ZNF385B: variants seen among roughly 807,000 people sequenced by gnomAD.
ZNF385B encodes the protein zinc finger protein 385B.
ZNF385B carries 23 observed loss-of-function variants against 39.2 expected under a neutral mutation model. The ratio of observed to expected loss-of-function variants is 0.59; its 90% CI spans 0.42 to 0.83. The LOEUF (loss-of-function observed/expected upper bound fraction) is 0.83, where lower values mean the gene tolerates loss of function less well. Among genes scored for constraint, ZNF385B ranks in the 40% least tolerant of loss-of-function variants. The pLI, the probability that ZNF385B is intolerant of heterozygous loss-of-function variation, is 0.00. For synonymous variants in ZNF385B, 205 were observed against 222.6 expected (o/e 0.92, Z 0.70); for missense variants, 552 against 598.9 (o/e 0.92, Z 0.82).
intron 3 of ZNF385B, among the ~76,000 whole-genome samples, chr2:179,703,835 C>T (rs1008248740): frequency 5.3e-5 from 8 of 152,174 alleles, no homozygotes; most frequent in African/African-American, 1.9e-4. Context: ...AAGTTGTAAA[C>T]ACACATTGAT....
intron 3 of ZNF385B, among the ~76,000 whole-genome samples, chr2:179,616,131 C>T (rs13014208): frequency 0.19 from 28,287 of 152,008 alleles, 3,222 homozygotes; most frequent in South Asian, 0.29. Context: ...TGTGTAACTT[C>T]CCTTCTAAGA....
chr2:179,810,708 C>T (rs1706679581), intron 1 of ZNF385B, among the ~76,000 whole-genome samples: 1 of 151,956 alleles, frequency 6.6e-6, no homozygotes, highest in African/African-American at 2.4e-5. Context: ...TTTTCTCTTT[C>T]AACTACTGGT....
chr2:179,506,621 T>C (rs2057277391), intron 5 of ZNF385B, among the ~76,000 whole-genome samples: 2 of 152,264 alleles, frequency 1.3e-5, no homozygotes, highest in Admixed American at 1.3e-4. Context: ...ATTTATAAAA[T>C]ACATTAATGT....
chr2:179,606,129 T>C (rs969231), intron 3 of ZNF385B, among the ~76,000 whole-genome samples: 23,631 of 151,974 alleles, frequency 0.16, 2,196 homozygotes, highest in East Asian at 0.24. Context: ...TCTGTTAACA[T>C]TTACACAAAA....
intron 3 of ZNF385B, among the ~76,000 whole-genome samples, chr2:179,643,500 T>G (rs1554102): frequency 1 from 151,843 of 152,226 alleles, 75,732 homozygotes; most frequent in Middle Eastern, 1. Flanking sequence ...TTCCACTGTG[T>G]TATCAAATGG....
chr2:179,850,787 G>C (rs959777405), intron 1 of ZNF385B, among the ~76,000 whole-genome samples: 4 of 152,202 alleles, frequency 2.6e-5, no homozygotes, highest in African/African-American at 9.6e-5. Context: ...AGGCTTGAGA[G>C]AGAAGTAAAA....
At chr2:179,525,528 T>C (rs1471740900) in intron 4 of ZNF385B, among the ~76,000 whole-genome samples, 1 of 152,220 alleles carries the variant, frequency 6.6e-6, no homozygotes, top group African/African-American at 2.4e-5. Flanking sequence ...GATTTGCTGC[T>C]AAGCAGACCG....
At chr2:179,668,392 C>T (rs1695458005) in intron 3 of ZNF385B, among the ~76,000 whole-genome samples, 1 of 152,174 alleles carries the variant, frequency 6.6e-6, no homozygotes, top group Non-Finnish European at 1.5e-5. Context: ...CTCATATTCT[C>T]CTTTATCAAA....
intron 1 of ZNF385B, among the ~76,000 whole-genome samples, chr2:179,801,358 A>G (rs554768091): frequency 2.4e-4 from 36 of 152,122 alleles, no homozygotes; most frequent in African/African-American, 8.2e-4. Context: ...TCCAATGACA[A>G]ATGTTCCCAG....
At chr2:179,515,878 T>C (rs2058054940) in intron 5 of ZNF385B, among the ~76,000 whole-genome samples, 1 of 152,134 alleles carries the variant, frequency 6.6e-6, no homozygotes, top group African/African-American at 2.4e-5. Flanking sequence ...AGTTATAAAA[T>C]ATTTTCATCA....
intron 1 of ZNF385B, among the ~76,000 whole-genome samples, chr2:179,778,963 C>A (rs1341612023): frequency 3.3e-5 from 5 of 152,146 alleles, no homozygotes; most frequent in Non-Finnish European, 7.4e-5. Context: ...TTTAAACATG[C>A]ATATGATTTT....
At chr2:179,724,918 A>C (rs928506031) in intron 3 of ZNF385B, among the ~76,000 whole-genome samples, 5 of 152,172 alleles carry the variant, frequency 3.3e-5, no homozygotes, top group African/African-American at 1.2e-4. Flanking sequence ...TTTATAATTT[A>C]AACCATTTTG....
chr2:179,788,740 A>G (rs1223659647), intron 1 of ZNF385B, among the ~76,000 whole-genome samples: 3 of 152,196 alleles, frequency 2.0e-5, no homozygotes, highest in African/African-American at 7.2e-5. Context: ...AGAAGAGAAC[A>G]GAAGAAAATG....
intron 3 of ZNF385B, among the ~76,000 whole-genome samples, chr2:179,692,862 A>C (rs934071918): frequency 1.5e-4 from 23 of 152,072 alleles, no homozygotes; most frequent in Non-Finnish European, 1.5e-5. Flanking sequence ...TCACAGGAGC[A>C]AGTACTTGCC....
At chr2:179,562,502 C>T (rs1288329828) in intron 3 of ZNF385B, 7 of 985,200 alleles carry the variant, frequency 7.1e-6, no homozygotes, top group Non-Finnish European at 8.4e-6. Context: ...CTGGTGCTCC[C>T]GTGAAATGTG....
At chr2:179,647,574 C>T (rs1040375399) in intron 3 of ZNF385B, among the ~76,000 whole-genome samples, 1 of 152,148 alleles carries the variant, frequency 6.6e-6, no homozygotes. Flanking sequence ...CCCTTAATAG[C>T]AGCTATACCA....
intron 6 of ZNF385B, among the ~76,000 whole-genome samples, chr2:179,466,324 T>TA (rs961357418): frequency 4.6e-5 from 7 of 151,818 alleles, no homozygotes; most frequent in Admixed American, 2.0e-4. Context: ...TACATATAGA[T>TA]AAAAAATGTA....
intron 3 of ZNF385B, among the ~76,000 whole-genome samples, chr2:179,675,454 A>G (rs1231280953): frequency 6.6e-6 from 1 of 152,210 alleles, no homozygotes; most frequent in Non-Finnish European, 1.5e-5. Context: ...GGGTCTTTTG[A>G]TAAAGTAGTT....
At chr2:179,526,282 G>C (rs921388291) in intron 4 of ZNF385B, among the ~76,000 whole-genome samples, 2 of 151,896 alleles carry the variant, frequency 1.3e-5, no homozygotes. Flanking sequence ...TTTCAATTCA[G>C]AAGGCTCATT....
Sources: allele counts gnomAD v4.1 joint callset (sites outside exome capture counted in the v4.1 genomes callset), GRCh38; gene constraint gnomAD v4.1.1; transcripts MANE v1.5; gene names NCBI Gene and HGNC (gene_info 2026-07-23, HGNC 2026-07-21).